ALK: variants seen among roughly 807,000 people sequenced by gnomAD.
ALK encodes the protein ALK tyrosine kinase receptor.
A neutral mutation model predicts 163.1 loss-of-function variants in ALK; 74 were observed. The ratio of observed to expected loss-of-function variants is 0.45; its 90% CI spans 0.38 to 0.55. The LOEUF (loss-of-function observed/expected upper bound fraction) is 0.55, where lower values mean the gene tolerates loss of function less well. ALK is among the 20% of genes least tolerant of loss of function. The pLI is 0.00. For synonymous variants in ALK, 960 were observed against 843.2 expected, an observed-to-expected ratio of 1.14 and a Z score of -2.40; for missense variants, 2,063 against 2,105.3, an observed-to-expected ratio of 0.98 and a Z score of 0.39.
At chr2:29,356,891 G>A (rs1356444855) in intron 5 of ALK, among the ~76,000 whole-genome samples, 1 of 151,900 alleles carries the variant, frequency 6.6e-6, no homozygotes, top group East Asian at 1.9e-4. Context: ...TCCTGGGCAT[G>A]AGCTAAACCC....
At chr2:29,830,712 T>TAAAAAAAAAAAAAAAAAAAAAAAAAAAA (rs1665344950) in intron 1 of ALK, among the ~76,000 whole-genome samples, 1 of 63,512 alleles carries the variant, frequency 1.6e-5, no homozygotes, top group Non-Finnish European at 2.9e-5. Context: ...CTAAAATAGT[T>TAAAAAAAAAAAAAAAAAAAAAAAAAAAA]TAAAAAAAAA....
chr2:29,888,330 C>T (rs1449242499), intron 1 of ALK, among the ~76,000 whole-genome samples: 1 of 147,608 alleles, frequency 6.8e-6, no homozygotes, highest in African/African-American at 2.5e-5. Flanking sequence ...CATTTACTTG[C>T]TTACTTAAGG....
chr2:29,391,340 C>T (rs1236241774), intron 4 of ALK, among the ~76,000 whole-genome samples: 2 of 148,080 alleles, frequency 1.4e-5, no homozygotes, highest in Non-Finnish European at 1.5e-5. Flanking sequence ...GTCACTCTGT[C>T]ACCCAGGCTG....
At chr2:29,316,420 C>T (rs1666837785) in intron 8 of ALK, among the ~76,000 whole-genome samples, 1 of 151,910 alleles carries the variant, frequency 6.6e-6, no homozygotes, top group Non-Finnish European at 1.5e-5. Context: ...GCAAATTAGA[C>T]TGCAGGAAAA....
chr2:29,263,452 G>A (rs994490573), intron 11 of ALK, among the ~76,000 whole-genome samples: 8 of 152,160 alleles, frequency 5.3e-5, no homozygotes, highest in Non-Finnish European at 1.2e-4. Context: ...AGCCCAACTG[G>A]CTTGGGGATT....
intron 2 of ALK, among the ~76,000 whole-genome samples, chr2:29,715,173 G>T (rs1404851776): frequency 2.0e-5 from 3 of 152,174 alleles, no homozygotes; most frequent in African/African-American, 7.2e-5. Flanking sequence ...ATTAAATATG[G>T]CAGAAAGATG....
chr2:29,228,102 G>A (rs997967037), intron 16 of ALK, among the ~76,000 whole-genome samples: 1 of 152,174 alleles, frequency 6.6e-6, no homozygotes, highest in Admixed American at 6.5e-5. Context: ...ATGAGCCCCT[G>A]TGCCCTGAGG....
chr2:29,302,475 A>G (rs11127213), intron 8 of ALK, among the ~76,000 whole-genome samples: 138,861 of 151,946 alleles, frequency 0.91, 64,198 homozygotes, highest in Non-Finnish European at 0.99. Context: ...CCGAGATTGC[A>G]TCATTGCACT....
chr2:29,692,812 G>T (rs1024615114), intron 3 of ALK, among the ~76,000 whole-genome samples: 7 of 152,206 alleles, frequency 4.6e-5, no homozygotes, highest in African/African-American at 1.7e-4. Context: ...CAATTGTGTT[G>T]ATGGCAATAG....
At chr2:29,432,759 C>T (rs570537714) in intron 4 of ALK, among the ~76,000 whole-genome samples, 134 of 147,286 alleles carry the variant, frequency 9.1e-4, no homozygotes, top group Non-Finnish European at 1.7e-3. Flanking sequence ...TTTTTTAAAC[C>T]GATGGATCCA....
intron 3 of ALK, among the ~76,000 whole-genome samples, chr2:29,620,185 A>C (rs2148228405): frequency 6.6e-6 from 1 of 152,302 alleles, no homozygotes; most frequent in African/African-American, 2.4e-5. Context: ...CTTAAACAAC[A>C]CAACGGTGTT....
At chr2:29,601,048 A>G (rs958573283) in intron 3 of ALK, among the ~76,000 whole-genome samples, 47 of 152,348 alleles carry the variant, frequency 3.1e-4, no homozygotes, top group African/African-American at 1.1e-3. Flanking sequence ...CTGGAAGTCC[A>G]AATAACCAGA....
chr2:29,557,842 A>C (rs561110184), intron 3 of ALK, among the ~76,000 whole-genome samples: 2 of 152,288 alleles, frequency 1.3e-5, no homozygotes, highest in African/African-American at 2.4e-5. Context: ...GGACATTTGC[A>C]TGTATCTAGT....
At chr2:29,831,627 A>G (rs576794718) in intron 1 of ALK, among the ~76,000 whole-genome samples, 15 of 152,212 alleles carry the variant, frequency 9.9e-5, no homozygotes, top group Admixed American at 5.2e-4. Flanking sequence ...TTACAACTCA[A>G]GTCTGGCCAG....
At chr2:29,848,189 C>T (rs1055739897) in intron 1 of ALK, among the ~76,000 whole-genome samples, 3 of 152,030 alleles carry the variant, frequency 2.0e-5, no homozygotes, top group Non-Finnish European at 4.4e-5. Context: ...TTCCCAACCA[C>T]CTAAGCAGTA....
intron 1 of ALK, among the ~76,000 whole-genome samples, chr2:29,727,969 G>C (rs1679620072): frequency 6.6e-6 from 1 of 152,122 alleles, no homozygotes; most frequent in South Asian, 2.1e-4. Context: ...CATCTCGTTA[G>C]TGAAAAAAAT....
intron 3 of ALK, among the ~76,000 whole-genome samples, chr2:29,585,955 C>T (rs914205282): frequency 3.3e-5 from 5 of 151,968 alleles, no homozygotes; most frequent in Non-Finnish European, 7.4e-5. Context: ...ATTTTTAATA[C>T]TTTTGATGAA....
chr2:29,797,664 C>A (rs1431481005), intron 1 of ALK, among the ~76,000 whole-genome samples: 1 of 152,170 alleles, frequency 6.6e-6, no homozygotes, highest in Non-Finnish European at 1.5e-5. Context: ...ATTGAAGGAA[C>A]TGATATTCTG....
chr2:29,457,303 A>G (rs991944897), intron 4 of ALK, among the ~76,000 whole-genome samples: 1 of 152,112 alleles, frequency 6.6e-6, no homozygotes, highest in African/African-American at 2.4e-5. Context: ...CTGCCCATCT[A>G]TGCTCAGGTG....
Sources: gnomAD v4.1 joint callset for allele counts (sites outside exome capture counted in the v4.1 genomes callset) on GRCh38, gnomAD v4.1.1 for gene constraint, MANE v1.5 for transcripts, NCBI Gene and HGNC (gene_info 2026-07-23, HGNC 2026-07-21) for gene names.